Variants in ENO4 observed in about 807,000 individuals in gnomAD.
The protein encoded by ENO4 is enolase 4.
Under a neutral mutation model 63.2 loss-of-function variants are expected in ENO4, and 53 were observed. That is an observed-to-expected ratio of 0.84 (90% CI 0.67 to 1.05). The LOEUF (loss-of-function observed/expected upper bound fraction) is 1.05, where lower values mean the gene tolerates loss of function less well. ENO4 is among the 50% of genes least tolerant of loss of function. The pLI, the probability that ENO4 is intolerant of heterozygous loss-of-function variation, is 0.00. For missense variants in ENO4, 719 were observed against 772.0 expected, an observed-to-expected ratio of 0.93 and a Z score of 0.81; for synonymous variants, 266 against 283.8, an observed-to-expected ratio of 0.94 and a Z score of 0.63.
intron 10 of ENO4, among the ~76,000 whole-genome samples, chr10:116,893,917 TA>T (rs1212030912): frequency 6.6e-6 from 1 of 152,170 alleles, no homozygotes; most frequent in Non-Finnish European, 1.5e-5. Flanking sequence ...CAAAATAAAA[TA>T]AAATAGCTCA....
chr10:116,877,133 C>T (rs1334999702), intron 11 of ENO4, among the ~76,000 whole-genome samples: 2 of 152,088 alleles, frequency 1.3e-5, no homozygotes, highest in African/African-American at 4.8e-5. Context: ...TCACCATTCA[C>T]AAAGCCAAGG....
chr10:116,857,150 A>G lies in ENO4; in HGVS notation c.485+468A>G, dbSNP rs1846287322. Among the ~76,000 whole-genome samples, 4 of 152,138 alleles carry G rather than the reference A, an allele frequency of 2.6e-5. No individual in the cohort carries two copies. The South Asian group carries it at 8.3e-4, about 32-fold the overall frequency. ...TAGCATAAAATTTGTTTTTCTCCTG[A>G]AAACCATGTAGTTAACACCTTACTA... On this transcript the variant is annotated intron_variant, in intron 3 of 13. Transcript: ENST00000341276.
At position 116,861,051 on chromosome 10, in the gene ENO4, T is replaced by G; in HGVS notation, c.805-8T>G. The stretch of plus-strand genomic sequence containing the variant: ...TTCTCATTTTCCCTCGTTTTCCCCC[T>G]ATTTCAGGAACAGCCAACAACGCTA... On this transcript the variant is annotated splice_polypyrimidine_tract_variant and splice_region_variant and intron_variant, in intron 5 of 13. Transcript: ENST00000341276. 6.5e-7 allele frequency: 1 copy of G among 1,548,260 alleles called. No homozygotes were observed. Among genetic ancestry groups the G allele is most frequent in the Non-Finnish European group, 8.7e-7 (1 of 1,145,950 alleles).
intron 7 of ENO4, 34 bp from the exon 8 acceptor site, chr10:116,868,616 T>G: frequency 6.5e-7 from 1 of 1,542,778 alleles, no homozygotes; most frequent in Non-Finnish European, 8.8e-7. Context: ...TGCTAAAAAT[T>G]CCAGGTGATA....
At chr10:116,910,957 T>TGGA (rs1848167271) in intron 10 of ENO4, among the ~76,000 whole-genome samples, 1 of 152,204 alleles carries the variant, frequency 6.6e-6, no homozygotes, top group Non-Finnish European at 1.5e-5. Context: ...AATAATCTTG[T>TGGA]TTACCACAAT....
chr10:116,874,620 C>T (rs1317556169), intron 10 of ENO4, among the ~76,000 whole-genome samples: 1 of 152,044 alleles, frequency 6.6e-6, no homozygotes, highest in Non-Finnish European at 1.5e-5. Context: ...TCTATAAGGC[C>T]AAATATTTTT....
intron 10 of ENO4, among the ~76,000 whole-genome samples, chr10:116,895,852 C>G (rs917846400): frequency 6.6e-6 from 1 of 152,110 alleles, no homozygotes; most frequent in Non-Finnish European, 1.5e-5. Flanking sequence ...GTTTTCTCAC[C>G]TGTAAAATTG....
chr10:116,888,033 C>T (rs925234926), intron 10 of ENO4, among the ~76,000 whole-genome samples: 18 of 152,290 alleles, frequency 1.2e-4, no homozygotes, highest in African/African-American at 4.1e-4. Context: ...GTTTAAAAAC[C>T]ACTCCCTCTG....
chr10:116,858,596 CCTCT>C (rs1441814264), intron 3 of ENO4, among the ~76,000 whole-genome samples: 2 of 151,892 alleles, frequency 1.3e-5, no homozygotes, highest in Non-Finnish European at 2.9e-5. Context: ...GAAAGGAAGT[CCTCT>C]CTATTTATAT....
chr10:116,881,411 G>T (rs1847004466), intron 13 of ENO4, 104 bp from the exon 14 acceptor site: 1 of 832,264 alleles, frequency 1.2e-6, no homozygotes, highest in Non-Finnish European at 1.8e-6. Context: ...ATGGTGATGT[G>T]ACACCTTTGG....
chr10:116,908,761 T>C (rs1047753421), intron 10 of ENO4, among the ~76,000 whole-genome samples: 1 of 152,204 alleles, frequency 6.6e-6, no homozygotes, highest in African/African-American at 2.4e-5. Context: ...TTCTAGTTTT[T>C]TATTTGGATA....
At chr10:116,876,867 G>C (rs1846849656) in intron 11 of ENO4, among the ~76,000 whole-genome samples, 1 of 152,026 alleles carries the variant, frequency 6.6e-6, no homozygotes, top group South Asian at 2.1e-4. Flanking sequence ...AGGAGAATGG[G>C]GTGAACTTGG....
chr10:116,861,843 A>G (rs1485762786), intron 6 of ENO4, among the ~76,000 whole-genome samples: 1 of 152,190 alleles, frequency 6.6e-6, no homozygotes, highest in Non-Finnish European at 1.5e-5. Flanking sequence ...TAAGAAAAAA[A>G]AAATCAAGAT....
At chr10:116,853,272 G>A (rs1846142037) in intron 1 of ENO4, among the ~76,000 whole-genome samples, 1 of 135,676 alleles carries the variant, frequency 7.4e-6, no homozygotes, top group Non-Finnish European at 1.5e-5. Flanking sequence ...TCCAGCCTGG[G>A]TGACAGAGTG....
intron 13 of ENO4, 53 bp from the exon 14 acceptor site, chr10:116,881,462 T>C (rs1847007971): frequency 2.9e-6 from 4 of 1,391,948 alleles, no homozygotes; most frequent in Non-Finnish European, 3.9e-6. Context: ...ATGTAGTATA[T>C]AAAAACTGGC....
intron 10 of ENO4, among the ~76,000 whole-genome samples, chr10:116,890,925 A>T (rs1390709036): frequency 6.6e-6 from 1 of 152,264 alleles, no homozygotes; most frequent in Non-Finnish European, 1.5e-5. Flanking sequence ...CATCGTTTGC[A>T]TTCAATGAAA....
At chr10:116,867,003 A>T (rs1023398065) in intron 7 of ENO4, among the ~76,000 whole-genome samples, 1 of 152,130 alleles carries the variant, frequency 6.6e-6, no homozygotes, top group Non-Finnish European at 1.5e-5. Context: ...TGAGAAAAAA[A>T]TGCTGAAGAA....
chr10:116,849,892 G>C (rs756747638), intron 1 of ENO4, 161 bp downstream of exon 1: 54 of 852,390 alleles, frequency 6.3e-5, no homozygotes, highest in Non-Finnish European at 9.9e-5. Context: ...GGGAAGGAGC[G>C]GGAAGGACAC....
chr10:116,863,813 A>G (rs896681242), intron 7 of ENO4, among the ~76,000 whole-genome samples: 10 of 152,188 alleles, frequency 6.6e-5, no homozygotes, highest in Non-Finnish European at 1.3e-4. Context: ...AATTGCTTCA[A>G]GCAATTCCAG....
Sources: allele counts gnomAD v4.1 joint callset (sites outside exome capture counted in the v4.1 genomes callset), GRCh38; gene constraint gnomAD v4.1.1; transcripts MANE v1.5; gene names NCBI Gene and HGNC (gene_info 2026-07-23, HGNC 2026-07-21).